MED13L: variants seen among roughly 807,000 people sequenced by gnomAD.
MED13L encodes mediator complex subunit 13L.
Under a neutral mutation model 220.9 loss-of-function variants are expected in MED13L, and 7 were observed. The ratio of observed to expected loss-of-function variants is 0.03; its 90% CI spans 0.02 to 0.06. The LOEUF (loss-of-function observed/expected upper bound fraction) is 0.06. Ranked by LOEUF, MED13L falls within the 10% of genes least tolerant of loss-of-function variation. The pLI, the probability that MED13L is intolerant of heterozygous loss-of-function variation, is 1.00. For missense variants in MED13L, 1,965 were observed against 2,760.5 expected, an observed-to-expected ratio of 0.71 and a Z score of 6.46; for synonymous variants, 1,011 against 1,015.2, an observed-to-expected ratio of 1.00 and a Z score of 0.08.
chr12:116,068,275 A>G (rs1870106723), intron 4 of MED13L, among the ~76,000 whole-genome samples: 1 of 152,240 alleles, frequency 6.6e-6, no homozygotes, highest in Non-Finnish European at 1.5e-5. Context: ...TGAACAACAC[A>G]GGCCAGAAGA....
chr12:116,123,262 A>C (rs1875245185), intron 2 of MED13L, among the ~76,000 whole-genome samples: 1 of 152,192 alleles, frequency 6.6e-6, no homozygotes, highest in Non-Finnish European at 1.5e-5. Context: ...ATAAATTTTT[A>C]AAATAAGGAT....
chr12:116,020,984 C>G (rs1880029342), intron 5 of MED13L, among the ~76,000 whole-genome samples: 1 of 151,956 alleles, frequency 6.6e-6, no homozygotes, highest in African/African-American at 2.4e-5. Context: ...CCTCAATGAT[C>G]CAAATGGGAT....
At chr12:116,254,477 A>G (rs920540594) in intron 1 of MED13L, among the ~76,000 whole-genome samples, 2 of 152,038 alleles carry the variant, frequency 1.3e-5, no homozygotes, top group African/African-American at 2.4e-5. Flanking sequence ...GGCCAGGTGC[A>G]GTGGCTCACA....
chr12:116,064,362 G>A (rs1481292518), intron 4 of MED13L, among the ~76,000 whole-genome samples: 2 of 152,170 alleles, frequency 1.3e-5, no homozygotes, highest in East Asian at 1.9e-4. Flanking sequence ...TTAGCCAACC[G>A]AGTATGTACA....
chr12:116,188,100 A>G (rs1411486867), intron 2 of MED13L, among the ~76,000 whole-genome samples: 1 of 151,836 alleles, frequency 6.6e-6, no homozygotes, highest in African/African-American at 2.4e-5. Flanking sequence ...CACCAGTATT[A>G]CATTTTACAT....
intron 2 of MED13L, among the ~76,000 whole-genome samples, chr12:116,170,483 A>G (rs1879589234): frequency 6.6e-6 from 1 of 152,084 alleles, no homozygotes; most frequent in Admixed American, 6.6e-5. Flanking sequence ...AATTGCACGA[A>G]AGCTTTCCCT....
At chr12:116,056,017 C>T (rs1868934616) in intron 4 of MED13L, among the ~76,000 whole-genome samples, 1 of 152,080 alleles carries the variant, frequency 6.6e-6, no homozygotes, top group African/African-American at 2.4e-5. Context: ...GAGCAGACAA[C>T]CACAGTACAT....
chr12:116,119,189 C>T (rs1874788758), intron 2 of MED13L, among the ~76,000 whole-genome samples: 1 of 152,130 alleles, frequency 6.6e-6, no homozygotes, highest in Non-Finnish European at 1.5e-5. Context: ...TTCCATCCTC[C>T]CCTACAGTGT....
At chr12:116,145,920 T>A (rs1169686545) in intron 2 of MED13L, among the ~76,000 whole-genome samples, 5 of 152,060 alleles carry the variant, frequency 3.3e-5, no homozygotes, top group Admixed American at 1.3e-4. Context: ...CCAGGTTCTC[T>A]GCAATAAATA....
chr12:115,994,607 C>A (rs1878279447), intron 16 of MED13L, among the ~76,000 whole-genome samples: 1 of 152,188 alleles, frequency 6.6e-6, no homozygotes, highest in Admixed American at 6.5e-5. Context: ...TAAACGATTA[C>A]ACAGCAAAAG....
chr12:116,220,966 A>T (rs937217728), intron 2 of MED13L, among the ~76,000 whole-genome samples: 2 of 152,206 alleles, frequency 1.3e-5, no homozygotes, highest in Non-Finnish European at 2.9e-5. Context: ...CTAGTGTTCA[A>T]CTAGGTTAAG....
intron 2 of MED13L, among the ~76,000 whole-genome samples, chr12:116,206,074 CTT>C (rs1160337465): frequency 1.1e-5 from 1 of 87,190 alleles, no homozygotes; most frequent in African/African-American, 4.8e-5. Context: ...GTATTATTAC[CTT>C]TTTTTTTTTT....
chr12:116,230,275 C>T (rs1297733192), intron 2 of MED13L, among the ~76,000 whole-genome samples: 3 of 152,084 alleles, frequency 2.0e-5, no homozygotes, highest in Non-Finnish European at 4.4e-5. Flanking sequence ...TGGCGAGCAT[C>T]TATAGTCCTA....
rs146441276 is a variant in MED13L at position 115,990,968 on chromosome 12, A to C, written c.3934+52T>G. The C allele has an allele frequency of 3.9e-5, 61 of 1,577,456 alleles. No homozygotes were observed. The African/African-American group carries it at 7.8e-4, about 20-fold the overall frequency. Reference sequence around the variant, plus strand: ...ATACAGTAAAGAAAGCTTTTAAGTTATGATCATACCAAGATACTCCTCAAA... The same window carrying C: ...ATACAGTAAAGAAAGCTTTTAAGTTCTGATCATACCAAGATACTCCTCAAA... On this transcript the variant is annotated intron_variant, in intron 17 of 30. Coordinates refer to ENST00000281928, the MANE Select transcript of MED13L (RefSeq NM_015335.5).
At chr12:116,036,942 G>A (rs1212732689) in intron 4 of MED13L, among the ~76,000 whole-genome samples, 3 of 152,084 alleles carry the variant, frequency 2.0e-5, no homozygotes, top group African/African-American at 7.2e-5. Context: ...AGGCTCTGAG[G>A]TACTCTTACT....
intron 3 of MED13L, among the ~76,000 whole-genome samples, chr12:116,106,436 A>G (rs910844129): frequency 6.6e-6 from 1 of 152,220 alleles, no homozygotes; most frequent in African/African-American, 2.4e-5. Flanking sequence ...TGAAAGTTAG[A>G]GGAAGACAGG....
At chr12:116,177,984 T>G (rs1223148310) in intron 2 of MED13L, among the ~76,000 whole-genome samples, 1 of 152,154 alleles carries the variant, frequency 6.6e-6, no homozygotes, top group Admixed American at 6.5e-5. Context: ...GCCTCTCAGG[T>G]AGCTGGGACT....
chr12:116,250,025 T>TAAAAAAAAAAAAAAAAAAAAAAAAA (rs71095516), intron 1 of MED13L, among the ~76,000 whole-genome samples: 1 of 40,462 alleles, frequency 2.5e-5, no homozygotes, highest in Non-Finnish European at 4.2e-5. Context: ...CAGCATAAAC[T>TAAAAAAAAAAAAAAAAAAAAAAAAA]AAAAAAAAAA....
chr12:116,135,948 G>A (rs1339195157), intron 2 of MED13L, among the ~76,000 whole-genome samples: 1 of 150,260 alleles, frequency 6.7e-6, no homozygotes, highest in Non-Finnish European at 1.5e-5. Context: ...CTGTTGCCCA[G>A]GCTGGAGTGC....
Sources: gnomAD v4.1 joint callset for allele counts (sites outside exome capture counted in the v4.1 genomes callset) on GRCh38, gnomAD v4.1.1 for gene constraint, MANE v1.5 for transcripts, NCBI Gene and HGNC (gene_info 2026-07-23, HGNC 2026-07-21) for gene names.